The following TRIM58 variants were observed in gnomAD, a reference collection of about 807,000 sequenced individuals.
TRIM58 encodes tripartite motif containing 58.
TRIM58 carries 38 observed loss-of-function variants against 34.1 expected under a neutral mutation model. That is an observed-to-expected ratio of 1.12 (90% CI 0.86 to 1.46). TRIM58 has a LOEUF of 1.46. TRIM58 is among the 40% of genes most tolerant of loss of function. TRIM58 has a pLI of 0.00. For missense variants in TRIM58, 677 were observed against 642.0 expected (o/e 1.05, Z -0.59); for synonymous variants, 273 against 275.7 (o/e 0.99, Z 0.10).
rs778676961 is a variant in TRIM58 at position 247,864,756 on chromosome 1, C to G, written c.568C>G (p.Arg190Gly). ...CTTCAGATTGGAGTTTGAGAAGCATCGTGGCTTTCTGGCCCAGGAGGAGCA... is the reference window on the plus strand; with the variant it reads ...CTTCAGATTGGAGTTTGAGAAGCATGGTGGCTTTCTGGCCCAGGAGGAGCA... Reference protein sequence around the residue: ...QRFRLEFEKHRGFLAQEEQRQ... With the variant: ...QRFRLEFEKHGGFLAQEEQRQ... The change falls in exon 3 of 6, where the codon CGT (arginine) becomes GGT (glycine). Residue 190 changes from arginine to glycine, a missense_variant. By Grantham distance (125) the Arg-to-Gly change is moderately radical. Transcript: ENST00000366481. 1.2e-6 allele frequency: 2 copies of G among 1,614,028 alleles called. No homozygotes were observed. Among genetic ancestry groups the G allele is most frequent in the African/African-American group, 2.7e-5 (2 of 74,910 alleles).
At chr1:247,862,937 T>C (rs1328569380) in intron 2 of TRIM58, among the ~76,000 whole-genome samples, 1 of 152,170 alleles carries the variant, frequency 6.6e-6, no homozygotes, top group Non-Finnish European at 1.5e-5. Context: ...CACCCCCTCG[T>C]GCCCCAGGTA....
At chr1:247,863,223 A>G (rs1471235512) in intron 2 of TRIM58, among the ~76,000 whole-genome samples, 1 of 152,202 alleles carries the variant, frequency 6.6e-6, no homozygotes, top group Non-Finnish European at 1.5e-5. Flanking sequence ...TTTTAGTCAA[A>G]GCAAGAAGTT....
At chr1:247,859,564 A>G (rs920568328) in intron 1 of TRIM58, among the ~76,000 whole-genome samples, 2 of 152,148 alleles carry the variant, frequency 1.3e-5, no homozygotes, top group South Asian at 4.1e-4. Context: ...GCGCCCTATC[A>G]TTGAAGGAAG....
chr1:247,866,608 C>T (rs990555183), intron 3 of TRIM58, among the ~76,000 whole-genome samples: 1 of 152,124 alleles, frequency 6.6e-6, no homozygotes, highest in Non-Finnish European at 1.5e-5. Context: ...TCTTATCTAT[C>T]TATTTTTCTA....
At chr1:247,857,815 T>C in intron 1 of TRIM58, 149 bp downstream of exon 1, 1 of 1,116,020 alleles carries the variant, frequency 9.0e-7, no homozygotes, top group East Asian at 3.8e-5. Context: ...CCCACGCGGC[T>C]CACTCAGTGT....
At position 247,878,261 on chromosome 1, in the gene TRIM58, TATTA is replaced by T. The variant is rs922532705; in HGVS notation, c.*1779_*1782del. ...GGTAAATGCTTCAATGCTAACCAAA[TATTA>T]ATTAATGGCAAATTATTTAACATTA... is the stretch of plus-strand genomic sequence containing the variant. On this transcript the variant is annotated 3_prime_UTR_variant, in exon 6 of 6. Coordinates refer to ENST00000366481, the MANE Select transcript of TRIM58 (RefSeq NM_015431.4). 10 of 152,152 alleles carry T rather than the reference TATTA, an allele frequency of 6.6e-5. No homozygotes were observed. The highest frequency in any genetic ancestry group is 2.1e-4 in the South Asian group (1 of 4,838). 9.4% of individuals were successfully genotyped at this position (152,152 alleles called of 1,614,324 possible).
chr1:247,875,890 C>G lies in TRIM58; in HGVS notation c.872-10C>G. On this transcript the variant is annotated splice_polypyrimidine_tract_variant and intron_variant, in intron 5 of 5. Transcript: ENST00000366481. ...TTCCTTTCACCTGGTCCACCACATT[C>G]TTTCCGCAGTGGATGTAAAGCTGGA... The G allele has an allele frequency of 6.2e-7, 1 of 1,600,812 alleles. No homozygotes were observed. The highest frequency in any genetic ancestry group is 8.5e-7 in the Non-Finnish European group (1 of 1,172,446).
chr1:247,859,701 C>A (rs1663736311), intron 1 of TRIM58, among the ~76,000 whole-genome samples: 2 of 151,606 alleles, frequency 1.3e-5, no homozygotes, highest in South Asian at 4.2e-4. Flanking sequence ...AATAATAAAC[C>A]CATGCTTTAT....
In TRIM58 at chr1:247,879,635, C is replaced by T. The variant is rs72774616; in HGVS notation, c.*3146C>T. 0.13 allele frequency among the ~76,000 whole-genome samples: 20,101 copies of T among 151,418 alleles called. 1,565 individuals are homozygous for T. Among genetic ancestry groups the T allele is most frequent in the East Asian group, 0.18 (898 of 5,018 alleles). On this transcript the variant is annotated 3_prime_UTR_variant, in exon 6 of 6. Coordinates refer to ENST00000366481, the MANE Select transcript of TRIM58 (RefSeq NM_015431.4). ...CCCCATCCCTCCTCTGATTATCTCT[C>T]CCACCCCCACTTCCCTTTGCATTCT...
Position 247,876,026 on chromosome 1 carries a change from C to T in TRIM58, c.998C>T (p.Pro333Leu), listed in dbSNP as rs868175445. 1 of 1,614,158 alleles carries T rather than the reference C, an allele frequency of 6.2e-7. No individual in the cohort carries two copies. Among genetic ancestry groups the T allele is most frequent in the South Asian group, 1.1e-5 (1 of 91,074 alleles). Reference protein sequence around the residue: ...PNNPERFDTWPCILGLQSFSS... With the variant: ...PNNPERFDTWLCILGLQSFSS... ...AACCCTGAGCGATTTGACACATGGC[C>T]CTGCATCCTGGGTTTGCAGAGCTTC... Residue 333 changes from proline to leucine, a missense_variant, in exon 6 of 6, where the codon CCC becomes CTC. Pro to Leu is a moderately conservative substitution (Grantham distance 98). Transcript: ENST00000366481.
Position 247,857,478 on chromosome 1 carries a change from C to T in TRIM58, c.232C>T (p.Leu78=). Reference sequence around the variant, plus strand: ...TCGCCCCAACCGGCAGCTGGCGGGCCTGGTGGAGAGCGTGCGGCGGCTGGG... The same window carrying T: ...TCGCCCCAACCGGCAGCTGGCGGGCTTGGTGGAGAGCGTGCGGCGGCTGGG... The part of the protein sequence containing the change: ...GFRPNRQLAG[L]VESVRRLGLG... Residue 78 remains leucine, a synonymous_variant, in exon 1 of 6, where the codon CTG becomes TTG. Transcript: ENST00000366481. 2.2e-6 allele frequency: 3 copies of T among 1,357,462 alleles called. No individual in the cohort carries two copies. The highest frequency in any genetic ancestry group is 2.9e-6 in the Non-Finnish European group (3 of 1,051,912). The allele number at this position is 1,357,462 out of a possible 1,614,324, so 84.1% of individuals were successfully genotyped here. A position where few individuals can be genotyped will look rare whatever the true frequency, so the allele number is the denominator to read the frequency against.
chr1:247,861,236 TAC>T (rs140373603), intron 2 of TRIM58, among the ~76,000 whole-genome samples: 100 of 151,908 alleles, frequency 6.6e-4, no homozygotes, highest in African/African-American at 2.1e-3. Flanking sequence ...TGCACACGTG[TAC>T]ACACACACAC....
At chr1:247,873,169 G>T (rs1313914268) in intron 5 of TRIM58, among the ~76,000 whole-genome samples, 2 of 152,114 alleles carry the variant, frequency 1.3e-5, no homozygotes, top group Non-Finnish European at 2.9e-5. Flanking sequence ...GATGGGGGTT[G>T]CAGTAAGCCA....
chr1:247,857,461 A>T lies in TRIM58; in HGVS notation c.215A>T (p.Asn72Ile). 7.2e-7 allele frequency: 1 copy of T among 1,388,726 alleles called. No individual in the cohort carries two copies. The highest frequency in any genetic ancestry group is 9.4e-7 in the Non-Finnish European group (1 of 1,064,874). 86.0% of individuals were successfully genotyped at this position (1,388,726 alleles called of 1,614,324 possible). ...GPFRPSGFRP[N>I]RQLAGLVESV... is the part of the protein sequence containing the mutation. ...TTCCGGCCCTCGGGCTTTCGCCCCA[A>T]CCGGCAGCTGGCGGGCCTGGTGGAG... Residue 72 changes from asparagine to isoleucine, a missense_variant, in exon 1 of 6, where the codon AAC (asparagine) becomes ATC (isoleucine). Physicochemically the swap from Asn to Ile is moderately radical, Grantham distance 149. Transcript: ENST00000366481.
Position 247,857,620 on chromosome 1 carries a change from G to T in TRIM58, c.374G>T (p.Arg125Met). ...GTGTGCGACGCCGGCCCCGAGCACA[G>T]GACGCACCGCACGGCGCCGCTGCAG... The part of the protein sequence containing the change: ...CWVCDAGPEH[R>M]THRTAPLQEA... The change falls in exon 1 of 6, where the codon AGG (arginine) becomes ATG (methionine). Residue 125 changes from arginine to methionine, a missense_variant. Physicochemically the swap from Arg to Met is moderately conservative, Grantham distance 91. Transcript: ENST00000366481. The T allele has an allele frequency of 1.6e-6, 2 of 1,250,098 alleles. No homozygotes were observed. Among genetic ancestry groups the T allele is most frequent in the Non-Finnish European group, 2.0e-6 (2 of 999,098 alleles). The allele number at this position is 1,250,098 out of a possible 1,614,324, so 77.4% of individuals were successfully genotyped here.
chr1:247,859,735 G>A (rs1252851061), intron 1 of TRIM58, among the ~76,000 whole-genome samples: 2 of 151,786 alleles, frequency 1.3e-5, no homozygotes, highest in Non-Finnish European at 2.9e-5. Context: ...ATAACTTCAA[G>A]AAGTTGAAGT....
intron 5 of TRIM58, among the ~76,000 whole-genome samples, chr1:247,875,374 G>A (rs1659258409): frequency 6.6e-6 from 1 of 152,100 alleles, no homozygotes. Context: ...CAAATGCTTT[G>A]GATGTAAGCC....
At chr1:247,862,790 A>G (rs1237461201) in intron 2 of TRIM58, among the ~76,000 whole-genome samples, 1 of 152,178 alleles carries the variant, frequency 6.6e-6, no homozygotes, top group African/African-American at 2.4e-5. Flanking sequence ...CAGCAAACAC[A>G]TCTTTGGTCA....
In TRIM58 at chr1:247,857,479, T is replaced by G. The variant is rs1663661307; in HGVS notation, c.233T>G (p.Leu78Arg). Residue 78 changes from leucine (L) to arginine (R), a missense_variant, in exon 1 of 6, where the codon CTG becomes CGG. Transcript: ENST00000366481. ...CGCCCCAACCGGCAGCTGGCGGGCC[T>G]GGTGGAGAGCGTGCGGCGGCTGGGG... ...GFRPNRQLAG[L>R]VESVRRLGLG... 7.5e-7 allele frequency: 1 copy of G among 1,335,098 alleles called. No homozygotes were observed. Among genetic ancestry groups the G allele is most frequent in the Middle Eastern group, 2.6e-4 (1 of 3,832 alleles). The allele number at this position is 1,335,098 out of a possible 1,614,324, so 82.7% of individuals were successfully genotyped here. A position where few individuals can be genotyped will look rare whatever the true frequency, so the allele number is the denominator to read the frequency against.
Sources: gnomAD v4.1 joint callset for allele counts (sites outside exome capture counted in the v4.1 genomes callset) on GRCh38, gnomAD v4.1.1 for gene constraint, MANE v1.5 for transcripts, NCBI Gene and HGNC (gene_info 2026-07-23, HGNC 2026-07-21) for gene names.